PTPRN2: variants seen among roughly 807,000 people sequenced by gnomAD.
The protein encoded by PTPRN2 is receptor-type tyrosine-protein phosphatase N2.
PTPRN2 carries 74 observed loss-of-function variants against 118.8 expected under a neutral mutation model. The observed-to-expected ratio is 0.62, with a 90% CI of 0.52 to 0.76. The LOEUF (loss-of-function observed/expected upper bound fraction) is 0.76. Ranked by LOEUF, PTPRN2 falls within the 30% of genes least tolerant of loss-of-function variation. PTPRN2 has a pLI of 0.00. For missense variants in PTPRN2, 1,481 were observed against 1,394.4 expected, an observed-to-expected ratio of 1.06 and a Z score of -0.99; for synonymous variants, 641 against 608.0, an observed-to-expected ratio of 1.05 and a Z score of -0.80.
intron 12 of PTPRN2, among the ~76,000 whole-genome samples, chr7:157,799,603 G>C (rs780435119): frequency 6.6e-6 from 1 of 152,060 alleles, no homozygotes; most frequent in Admixed American, 6.5e-5. Context: ...CCACTCCAGC[G>C]TGTGCTCCTC....
intron 12 of PTPRN2, among the ~76,000 whole-genome samples, chr7:157,720,169 C>T (rs559773079): frequency 1.3e-3 from 196 of 152,314 alleles, no homozygotes; most frequent in South Asian, 3.5e-3. Flanking sequence ...GGACCAGGCC[C>T]CGGGGCCAGT....
At chr7:158,299,906 C>T (rs957918721) in intron 3 of PTPRN2, among the ~76,000 whole-genome samples, 2 of 152,048 alleles carry the variant, frequency 1.3e-5, no homozygotes, top group Non-Finnish European at 2.9e-5. Flanking sequence ...CCTGAAAGGC[C>T]CTTGGACAGT....
chr7:157,579,261 A>G (rs1800221197), intron 17 of PTPRN2, among the ~76,000 whole-genome samples: 1 of 152,236 alleles, frequency 6.6e-6, no homozygotes, highest in South Asian at 2.1e-4. Flanking sequence ...TCGGAAGCCA[A>G]TGGAACCAAC....
chr7:158,118,853 C>A (rs902718510), intron 9 of PTPRN2, among the ~76,000 whole-genome samples: 2 of 152,160 alleles, frequency 1.3e-5, no homozygotes. Context: ...CAAGTTCATG[C>A]CAGCATGCCT....
intron 5 of PTPRN2, among the ~76,000 whole-genome samples, chr7:158,184,674 T>C (rs946312901): frequency 1.3e-5 from 2 of 152,110 alleles, no homozygotes; most frequent in Admixed American, 1.3e-4. Flanking sequence ...TAGCCGGGCA[T>C]GGTGGTGGGT....
chr7:157,710,207 A>G (rs759450053), intron 12 of PTPRN2, among the ~76,000 whole-genome samples: 1 of 152,182 alleles, frequency 6.6e-6, no homozygotes, highest in Non-Finnish European at 1.5e-5. Flanking sequence ...TCCTGCGTCC[A>G]TTCGATCCCC....
intron 3 of PTPRN2, among the ~76,000 whole-genome samples, chr7:158,226,270 T>C (rs1004922076): frequency 6.6e-6 from 1 of 151,992 alleles, no homozygotes; most frequent in African/African-American, 2.4e-5. Context: ...AGAACACTAG[T>C]GTGGATAGTT....
At chr7:157,769,691 T>C (rs1318459751) in intron 12 of PTPRN2, among the ~76,000 whole-genome samples, 1 of 152,154 alleles carries the variant, frequency 6.6e-6, no homozygotes, top group Non-Finnish European at 1.5e-5. Flanking sequence ...ACAGCAGACA[T>C]GTCACCAGCC....
intron 22 of PTPRN2, among the ~76,000 whole-genome samples, chr7:157,546,487 T>A (rs976623457): frequency 3.9e-5 from 6 of 152,186 alleles, no homozygotes; most frequent in African/African-American, 1.4e-4. Flanking sequence ...GTCCATGTGT[T>A]CTCATTGTTC....
At chr7:158,049,607 A>G (rs1319266833) in intron 11 of PTPRN2, among the ~76,000 whole-genome samples, 1 of 152,222 alleles carries the variant, frequency 6.6e-6, no homozygotes, top group African/African-American at 2.4e-5. Flanking sequence ...TCCTCAAAGA[A>G]TGCAACCTGA....
rs542058808 is a variant in PTPRN2 at position 157,609,156 on chromosome 7, G to A, written c.2345-5081C>T. On this transcript the variant is annotated intron_variant, in intron 15 of 22. Transcript: ENST00000389418. The surrounding 1 kb of genome is among the most constrained non-coding windows in gnomAD (Gnocchi z 4.9). ...CCAGTACTTTGGGAGGCTGAGGTGG[G>A]TGGATCACCTGAGGTCAGGAGTTCG... Among the ~76,000 whole-genome samples, 5 of 152,324 alleles carry A rather than the reference G, an allele frequency of 3.3e-5. No homozygotes were observed. Among genetic ancestry groups the A allele is most frequent in the African/African-American group, 1.2e-4 (5 of 41,576 alleles).
At chr7:158,225,840 C>T (rs1323676862) in intron 3 of PTPRN2, among the ~76,000 whole-genome samples, 1 of 150,342 alleles carries the variant, frequency 6.7e-6, no homozygotes, top group Non-Finnish European at 1.5e-5. Context: ...GGACTTGGGG[C>T]TGTGGCACTG....
chr7:158,522,407 C>CGGGTGCTGGCTCGGG lies in PTPRN2; in HGVS notation c.113-32623_113-32622insCCCGAGCCAGCACCC, dbSNP rs1397222460. On this transcript the variant is annotated intron_variant, in intron 1 of 22. Coordinates refer to ENST00000389418, the MANE Select transcript of PTPRN2 (RefSeq NM_002847.5). The stretch of plus-strand genomic sequence containing the variant: ...GTCCACGTCACAATGGTGGACTGTC[C>CGGGTGCTGGCTCGGG]AGGTGCTGGCTCAGGGGGAAGGTCC... Among the ~76,000 whole-genome samples the CGGGTGCTGGCTCGGG allele has an allele frequency of 1.7e-4, 25 of 143,764 alleles. 2 individuals are homozygous for CGGGTGCTGGCTCGGG. The highest frequency in any genetic ancestry group is 2.1e-4 in the African/African-American group (8 of 38,374). The allele number at this position is 143,764 out of a possible 152,430, so 94.3% of individuals were successfully genotyped here.
intron 13 of PTPRN2, among the ~76,000 whole-genome samples, chr7:157,667,043 G>T (rs13306963): frequency 2.3e-5 from 2 of 87,052 alleles, no homozygotes; most frequent in African/African-American, 3.9e-5. Context: ...TCGGCCCGTG[G>T]GACACTGATC....
intron 11 of PTPRN2, among the ~76,000 whole-genome samples, chr7:158,011,757 G>A (rs1806062477): frequency 6.6e-6 from 1 of 152,202 alleles, no homozygotes; most frequent in South Asian, 2.1e-4. Flanking sequence ...TCACAGAGGA[G>A]TTCCCTCGGA....
intron 12 of PTPRN2, among the ~76,000 whole-genome samples, chr7:157,816,222 G>A (rs1299128319): frequency 2.0e-5 from 3 of 152,190 alleles, no homozygotes; most frequent in African/African-American, 7.2e-5. Context: ...GCTCTGAGGT[G>A]GAGACCAGCT....
At chr7:157,664,966 C>G (rs4403300) in intron 13 of PTPRN2, among the ~76,000 whole-genome samples, 2 of 152,064 alleles carry the variant, frequency 1.3e-5, no homozygotes, top group African/African-American at 4.8e-5. Flanking sequence ...CCTGGTCAGA[C>G]GGTGAACACC....
intron 12 of PTPRN2, among the ~76,000 whole-genome samples, chr7:157,717,766 C>T (rs1159459065): frequency 1.3e-5 from 2 of 152,268 alleles, no homozygotes; most frequent in Non-Finnish European, 2.9e-5. Flanking sequence ...CGGGCCAGCA[C>T]CTGCGCCCCA....
intron 10 of PTPRN2, among the ~76,000 whole-genome samples, chr7:158,108,309 C>T (rs905496952): frequency 2.0e-5 from 3 of 152,142 alleles, no homozygotes; most frequent in Non-Finnish European, 4.4e-5. Context: ...CGCCTTGCAC[C>T]TGCTCCCTCC....
Sources: gnomAD v4.1 joint callset for allele counts (sites outside exome capture counted in the v4.1 genomes callset) on GRCh38, gnomAD v4.1.1 for gene constraint, Gnocchi (gnomAD v3.1) non-coding constraint, MANE v1.5 for transcripts, NCBI Gene and HGNC (gene_info 2026-07-23, HGNC 2026-07-21) for gene names.